The following YTHDC1 variants were observed in gnomAD, a reference collection of about 807,000 sequenced individuals.
YTHDC1 encodes the protein YTH N6-methyladenosine RNA binding protein C1, also known as YTH domain-containing protein 1.
Under a neutral mutation model 107.0 loss-of-function variants are expected in YTHDC1, and 12 were observed. The observed-to-expected ratio is 0.11, with a 90% CI of 0.07 to 0.18. The LOEUF (loss-of-function observed/expected upper bound fraction) is 0.18, where lower values mean the gene tolerates loss of function less well. Ranked by LOEUF, YTHDC1 falls within the 10% of genes least tolerant of loss-of-function variation. YTHDC1 has a pLI of 1.00. For synonymous variants in YTHDC1, 280 were observed against 289.5 expected (o/e 0.97, Z 0.33); for missense variants, 635 against 898.8 (o/e 0.71, Z 3.75).
In YTHDC1 at chr4:68,314,208, T is replaced by A; in HGVS notation, c.2075A>T (p.Asp692Val). Residue 692 changes from aspartate to valine, a missense_variant, in exon 17 of 17, where the codon GAT becomes GTT. By Grantham distance (152) the Asp-to-Val change is radical. Around this residue, in one of 5 missense-constraint regions of YTHDC1, gnomAD observed 256 missense variants for 372.9 expected, o/e 0.69. Transcript: ENST00000344157. ...ATCTCGCTCTCTGTCTCGTCTGTTA[T>A]CTCTAGGGCGGTCTCGCTCTCGTTC... ...DRERERDRPR[D>V]NRRDRERDRG... 1 of 1,613,714 alleles carries A rather than the reference T, an allele frequency of 6.2e-7. No individual in the cohort carries two copies. Among genetic ancestry groups the A allele is most frequent in the Non-Finnish European group, 8.5e-7 (1 of 1,179,814 alleles).
chr4:68,322,112 G>A lies in YTHDC1; in HGVS notation c.1601+637C>T, dbSNP rs1402320563. Among the ~76,000 whole-genome samples the A allele has an allele frequency of 6.6e-6, 1 of 152,154 alleles. No individual in the cohort carries two copies. Among genetic ancestry groups the A allele is most frequent in the African/African-American group, 2.4e-5 (1 of 41,430 alleles). On this transcript the variant is annotated intron_variant, in intron 11 of 16. Coordinates refer to ENST00000344157, the MANE Select transcript of YTHDC1 (RefSeq NM_001031732.4). This position sits in a 1 kb window ranked among gnomAD's most constrained non-coding sequence, Gnocchi z 4.8. ...TCCCAGGGCCACTTGATCCCCTTTG[G>A]AAAGAACCTATTGTTTTCAGAAGCT...
chr4:68,332,752 T>C, intron 6 of YTHDC1, 42 bp downstream of exon 6: 1 of 1,576,668 alleles, frequency 6.3e-7, no homozygotes, highest in Non-Finnish European at 8.7e-7. Flanking sequence ...AAATAATGAC[T>C]ATGCAGCATG....
chr4:68,333,212 G>T, intron 5 of YTHDC1, 96 bp downstream of exon 5: 1 of 866,392 alleles, frequency 1.2e-6, no homozygotes, highest in Non-Finnish European at 1.8e-6. Flanking sequence ...AGTGCTAATG[G>T]ACATCAACAA....
intron 16 of YTHDC1, 69 bp from the exon 17 acceptor site, chr4:68,314,392 A>G (rs1431613496): frequency 7.7e-7 from 1 of 1,303,586 alleles, no homozygotes; most frequent in Non-Finnish European, 1.0e-6. Context: ...CCCTGATTTG[A>G]AAAAAAAATT....
chr4:68,316,874 G>A (rs1039517299), intron 15 of YTHDC1, among the ~76,000 whole-genome samples: 3 of 152,132 alleles, frequency 2.0e-5, no homozygotes, highest in Non-Finnish European at 2.9e-5. Flanking sequence ...GCAGGCATAC[G>A]GCATCAGGCA....
intron 15 of YTHDC1, 84 bp from the exon 16 acceptor site, chr4:68,316,532 C>A: frequency 2.7e-6 from 4 of 1,471,630 alleles, no homozygotes; most frequent in South Asian, 1.4e-5. Flanking sequence ...TCCAAAACAC[C>A]AATCCCAAAC....
chr4:68,348,744 C>T (rs573738200), intron 1 of YTHDC1, among the ~76,000 whole-genome samples: 3 of 152,020 alleles, frequency 2.0e-5, no homozygotes, highest in East Asian at 3.8e-4. Context: ...TAACAACCCC[C>T]GACAAAAAAA....
chr4:68,336,981 T>C (rs1724236862), intron 4 of YTHDC1, 46 bp downstream of exon 4: 2 of 1,531,568 alleles, frequency 1.3e-6, no homozygotes, highest in Admixed American at 2.1e-5. Context: ...GACTGAAACC[T>C]ATCAAGCTTT....
intron 10 of YTHDC1, 141 bp from the exon 11 acceptor site, chr4:68,323,056 C>T: frequency 1.4e-6 from 1 of 705,920 alleles, no homozygotes; most frequent in Non-Finnish European, 2.2e-6. Context: ...AATAAGACTT[C>T]CAGATTTATA....
intron 4 of YTHDC1, among the ~76,000 whole-genome samples, chr4:68,334,869 A>G (rs1388079184): frequency 1.3e-5 from 2 of 152,138 alleles, no homozygotes; most frequent in Non-Finnish European, 2.9e-5. Flanking sequence ...ATAAAGACAA[A>G]AACAATAATT....
intron 9 of YTHDC1, among the ~76,000 whole-genome samples, chr4:68,327,062 C>A (rs1293295661): frequency 2.0e-5 from 3 of 150,916 alleles, no homozygotes; most frequent in Non-Finnish European, 4.4e-5. Context: ...CATGGAGAAA[C>A]CCCGTCTCTA....
At position 68,322,691 on chromosome 4, in the gene YTHDC1, C is replaced by A; in HGVS notation, c.1601+58G>T. 6.5e-7 allele frequency: 1 copy of A among 1,536,740 alleles called. No homozygotes were observed. Among genetic ancestry groups the A allele is most frequent in the Non-Finnish European group, 8.8e-7 (1 of 1,131,636 alleles). ...GGACAAACTTTTGACGAATCATATT[C>A]CTCCATCATGTTATTCTGATACATG... is the stretch of plus-strand genomic sequence containing the variant. On this transcript the variant is annotated intron_variant, in intron 11 of 16. Transcript: ENST00000344157. This position sits in a 1 kb window ranked among gnomAD's most constrained non-coding sequence, Gnocchi z 4.8.
intron 13 of YTHDC1, 37 bp downstream of exon 13, chr4:68,318,789 T>A: frequency 6.2e-7 from 1 of 1,614,136 alleles, no homozygotes; most frequent in Non-Finnish European, 8.5e-7. Flanking sequence ...GTTCCAAGAA[T>A]GTAATTCAAA....
intron 6 of YTHDC1, among the ~76,000 whole-genome samples, chr4:68,332,553 TACAC>T (rs200817025): frequency 5.9e-5 from 9 of 151,662 alleles, no homozygotes; most frequent in Admixed American, 2.6e-4. Flanking sequence ...CATACACACA[TACAC>T]ACACACACCC....
rs1722509980 is a variant in YTHDC1 at position 68,322,174 on chromosome 4, G to C, written c.1601+575C>G. Among the ~76,000 whole-genome samples the C allele has an allele frequency of 6.6e-6, 1 of 152,120 alleles. No homozygotes were observed. Among genetic ancestry groups the C allele is most frequent in the Non-Finnish European group, 1.5e-5 (1 of 68,006 alleles). On this transcript the variant is annotated intron_variant, in intron 11 of 16. Transcript: ENST00000344157. The surrounding 1 kb of genome is among the most constrained non-coding windows in gnomAD (Gnocchi z 4.8). ...GTGAATTCACTGGGTACATGTTAGA[G>C]AATATTTGGCAATAGGGTTAACACA...
At chr4:68,339,965 C>T (rs969692837) in intron 1 of YTHDC1, among the ~76,000 whole-genome samples, 3 of 152,048 alleles carry the variant, frequency 2.0e-5, no homozygotes, top group African/African-American at 4.8e-5. Flanking sequence ...TGTACTAATG[C>T]TAATAGTAAA....
At position 68,329,891 on chromosome 4, in the gene YTHDC1, T is replaced by TTAC. The variant is rs1388085087; in HGVS notation, c.1349+108_1349+110dup. 5.4e-6 allele frequency: 4 copies of TTAC among 737,492 alleles called. No individual in the cohort carries two copies. The African/African-American group carries it at 7.0e-5, about 13-fold the overall frequency. The allele number at this position is 737,492 out of a possible 1,614,324, so 45.7% of individuals were successfully genotyped here. ...TGTGTCCCACATTAGATAAAGGTAG[T>TTAC]TACTGAACAAGGTAAGATAAGTATA... On this transcript the variant is annotated intron_variant, in intron 9 of 16. Transcript: ENST00000344157.
chr4:68,338,480 G>C, intron 1 of YTHDC1, 96 bp from the exon 2 acceptor site: 1 of 773,020 alleles, frequency 1.3e-6, no homozygotes, highest in Non-Finnish European at 2.0e-6. Context: ...GCGCCTAGGA[G>C]CTTTTACTTT....
At chr4:68,324,107 G>GT (rs1722725441) in intron 10 of YTHDC1, 32 bp downstream of exon 10, 7 of 1,572,930 alleles carry the variant, frequency 4.5e-6, no homozygotes, top group South Asian at 2.3e-5. Context: ...GATTAAATGT[G>GT]TTTTTTTAAA....
Sources: allele counts gnomAD v4.1 joint callset (sites outside exome capture counted in the v4.1 genomes callset), GRCh38; gene constraint gnomAD v4.1.1; regional missense constraint gnomAD v4.1.1; non-coding constraint Gnocchi (gnomAD v3.1); transcripts MANE v1.5; gene names NCBI Gene and HGNC (gene_info 2026-07-23, HGNC 2026-07-21).